The following RILPL1 variants were observed in gnomAD, a reference collection of about 807,000 sequenced individuals.
RILPL1 encodes Rab interacting lysosomal protein like 1.
RILPL1 carries 33 observed loss-of-function variants against 50.3 expected under a neutral mutation model. The ratio of observed to expected loss-of-function variants is 0.66; its 90% CI spans 0.50 to 0.88. RILPL1 has a LOEUF of 0.88. Ranked by LOEUF, RILPL1 falls within the 40% of genes least tolerant of loss-of-function variation. The pLI is 0.00. For synonymous variants in RILPL1, 205 were observed against 228.6 expected (o/e 0.90, Z 0.93); for missense variants, 418 against 542.5 (o/e 0.77, Z 2.28).
chr12:123,509,344 A>C (rs564797314), intron 2 of RILPL1, among the ~76,000 whole-genome samples: 1 of 152,274 alleles, frequency 6.6e-6, no homozygotes, highest in South Asian at 2.1e-4. Context: ...CAGGTGGATC[A>C]CCTGAAGTTG....
Position 123,533,506 on chromosome 12 carries a change from C to G in RILPL1, c.-24G>C. 2 of 1,480,198 alleles carry G rather than the reference C, an allele frequency of 1.4e-6. No homozygotes were observed. Among genetic ancestry groups the G allele is most frequent in the Non-Finnish European group, 1.8e-6 (2 of 1,109,896 alleles). The allele number at this position is 1,480,198 out of a possible 1,614,324, so 91.7% of individuals were successfully genotyped here. On this transcript the variant is annotated 5_prime_UTR_variant, in exon 1 of 7. Coordinates refer to ENST00000376874, the MANE Select transcript of RILPL1 (RefSeq NM_178314.5). This position sits in a 1 kb window ranked among gnomAD's most constrained non-coding sequence, Gnocchi z 6.2. ...ATGGCCACCCTCCTGGCCTGTCCCCCGCCCCGCAAACTCGTGCAACTCCCA... is the reference window on the plus strand; with the variant it reads ...ATGGCCACCCTCCTGGCCTGTCCCCGGCCCCGCAAACTCGTGCAACTCCCA...
At chr12:123,479,959 T>C (rs1228625182) in intron 6 of RILPL1, among the ~76,000 whole-genome samples, 1 of 152,158 alleles carries the variant, frequency 6.6e-6, no homozygotes, top group Non-Finnish European at 1.5e-5. Context: ...TCTGATAACT[T>C]TCCTCTGGAT....
chr12:123,507,015 A>G (rs529312033), intron 2 of RILPL1, among the ~76,000 whole-genome samples: 6 of 152,188 alleles, frequency 3.9e-5, no homozygotes, highest in Non-Finnish European at 8.8e-5. Flanking sequence ...GCAAGAATCC[A>G]TTTAGCCACC....
At chr12:123,494,347 C>T (rs529783554) in intron 4 of RILPL1, among the ~76,000 whole-genome samples, 1 of 152,340 alleles carries the variant, frequency 6.6e-6, no homozygotes, top group East Asian at 1.9e-4. Flanking sequence ...GCAAAGCTGC[C>T]CCGAGCCTGG....
At chr12:123,511,685 G>GGT (rs144022657) in intron 2 of RILPL1, among the ~76,000 whole-genome samples, 12 of 124,452 alleles carry the variant, frequency 9.6e-5, no homozygotes, top group African/African-American at 3.4e-4. Flanking sequence ...TGTGGTGTGT[G>GGT]GTGTGTGTGT....
intron 4 of RILPL1, among the ~76,000 whole-genome samples, chr12:123,488,895 T>C (rs757981646): frequency 1.3e-5 from 2 of 152,158 alleles, no homozygotes; most frequent in Non-Finnish European, 1.5e-5. Context: ...ATTCTAGGCG[T>C]CTGCTGATGC....
chr12:123,530,815 C>T (rs543993066), intron 1 of RILPL1, among the ~76,000 whole-genome samples: 1 of 152,150 alleles, frequency 6.6e-6, no homozygotes, highest in Non-Finnish European at 1.5e-5. Flanking sequence ...GCACTGTGCT[C>T]GCTATGGCCT....
chr12:123,484,163 G>A lies in RILPL1; in HGVS notation c.1067+17C>T. Reference sequence around the variant, plus strand: ...GCCAGGTCAGCCGAGCGCAGAAGCTGGCAGCGCATCACTTACAGTCGCTTG... The same window carrying A: ...GCCAGGTCAGCCGAGCGCAGAAGCTAGCAGCGCATCACTTACAGTCGCTTG... On this transcript the variant is annotated intron_variant, in intron 6 of 6. Coordinates refer to ENST00000376874, the MANE Select transcript of RILPL1 (RefSeq NM_178314.5). The A allele has an allele frequency of 6.4e-7, 1 of 1,573,900 alleles. No homozygotes were observed. The highest frequency in any genetic ancestry group is 8.7e-7 in the Non-Finnish European group (1 of 1,146,524).
Position 123,533,577 on chromosome 12 carries a change from C to G in RILPL1, c.-95G>C. The G allele has an allele frequency of 1.9e-6, 2 of 1,063,124 alleles. No homozygotes were observed. Among genetic ancestry groups the G allele is most frequent in the Non-Finnish European group, 2.4e-6 (2 of 838,978 alleles). The allele number at this position is 1,063,124 out of a possible 1,614,324, so 65.9% of individuals were successfully genotyped here. A position where few individuals can be genotyped will look rare whatever the true frequency, so the allele number is the denominator to read the frequency against. ...CGGGCCGGCCGGGCCCAGCCTGGGC[C>G]GCGGGCGGGCGCGCTCAGCGGGCGC... On this transcript the variant is annotated 5_prime_UTR_variant, in exon 1 of 7. Transcript: ENST00000376874. This position sits in a 1 kb window ranked among gnomAD's most constrained non-coding sequence, Gnocchi z 6.2.
chr12:123,472,302 G>A lies in RILPL1; in HGVS notation c.*236C>T, dbSNP rs1566108419. The A allele has an allele frequency of 4.1e-6, 2 of 488,448 alleles. No homozygotes were observed. The highest frequency in any genetic ancestry group is 7.3e-6 in the Non-Finnish European group (2 of 273,276). The allele number at this position is 488,448 out of a possible 1,614,324, so 30.3% of individuals were successfully genotyped here. A position where few individuals can be genotyped will look rare whatever the true frequency, so the allele number is the denominator to read the frequency against. On this transcript the variant is annotated 3_prime_UTR_variant, in exon 7 of 7. Transcript: ENST00000376874. ...TGGGATTATTAAATATATATCCTAC[G>A]GGATCAGAGTCATCTATTAGAAACA...
chr12:123,494,148 G>A (rs897663564), intron 4 of RILPL1, among the ~76,000 whole-genome samples: 1 of 152,034 alleles, frequency 6.6e-6, no homozygotes, highest in African/African-American at 2.4e-5. Context: ...TCCCAGCTGC[G>A]CGAAACAGTG....
At chr12:123,521,530 T>TAA (rs1555269524) in intron 2 of RILPL1, among the ~76,000 whole-genome samples, 5 of 139,370 alleles carry the variant, frequency 3.6e-5, no homozygotes, top group African/African-American at 7.9e-5. Flanking sequence ...TATATATATA[T>TAA]AAATATATGT....
At chr12:123,496,144 A>T (rs948230027) in intron 4 of RILPL1, among the ~76,000 whole-genome samples, 14 of 151,192 alleles carry the variant, frequency 9.3e-5, no homozygotes, top group Non-Finnish European at 1.9e-4. Context: ...CCCCAAAGTA[A>T]TTGGGACTAC....
intron 1 of RILPL1, among the ~76,000 whole-genome samples, chr12:123,526,722 G>C (rs1240849796): frequency 6.6e-6 from 1 of 152,214 alleles, no homozygotes; most frequent in Non-Finnish European, 1.5e-5. Flanking sequence ...TAATAGCCTA[G>C]TATTTGCACA....
At chr12:123,513,073 C>CG (rs1884466758) in intron 2 of RILPL1, among the ~76,000 whole-genome samples, 1 of 115,792 alleles carries the variant, frequency 8.6e-6, no homozygotes. Context: ...TGCGTGTGTG[C>CG]TGTGTGCAGT....
intron 2 of RILPL1, among the ~76,000 whole-genome samples, chr12:123,520,401 A>C (rs11522339): frequency 0.55 from 84,324 of 152,020 alleles, 25,420 homozygotes; most frequent in East Asian, 0.9. Flanking sequence ...TCTATTAAAA[A>C]TACAAATATT....
Position 123,533,043 on chromosome 12 carries a change from C to T in RILPL1, c.309+131G>A, listed in dbSNP as rs1438867076. 2 of 993,690 alleles carry T rather than the reference C, an allele frequency of 2.0e-6. No homozygotes were observed. Among genetic ancestry groups the T allele is most frequent in the East Asian group, 5.4e-5 (2 of 37,334 alleles). 61.6% of individuals were successfully genotyped at this position (993,690 alleles called of 1,614,324 possible). A position where few individuals can be genotyped will look rare whatever the true frequency, so the allele number is the denominator to read the frequency against. The stretch of plus-strand genomic sequence containing the variant: ...AAGAAGGCCAGGGCCTCCCTCCCTC[C>T]CCACGTCGGGTCTCCTCTGGTCCGG... On this transcript the variant is annotated intron_variant, in intron 1 of 6. Coordinates refer to ENST00000376874, the MANE Select transcript of RILPL1 (RefSeq NM_178314.5). The surrounding 1 kb of genome is among the most constrained non-coding windows in gnomAD (Gnocchi z 6.2).
At chr12:123,499,614 G>A (rs1170375390) in intron 2 of RILPL1, 78 bp from the exon 3 acceptor site, 1 of 1,137,064 alleles carries the variant, frequency 8.8e-7, no homozygotes, top group Non-Finnish European at 1.3e-6. Flanking sequence ...TGCTGAGGAT[G>A]AAACTGAGGT....
At chr12:123,496,006 T>G (rs891359186) in intron 4 of RILPL1, among the ~76,000 whole-genome samples, 1 of 147,942 alleles carries the variant, frequency 6.8e-6, no homozygotes, top group Admixed American at 6.8e-5. Context: ...TAACCACTCC[T>G]TTTTTTTTCT....
Sources: allele counts gnomAD v4.1 joint callset (sites outside exome capture counted in the v4.1 genomes callset), GRCh38; gene constraint gnomAD v4.1.1; non-coding constraint Gnocchi (gnomAD v3.1); transcripts MANE v1.5; gene names NCBI Gene and HGNC (gene_info 2026-07-23, HGNC 2026-07-21).